Variants in ZC3H12B observed in about 807,000 individuals in gnomAD.
The protein encoded by ZC3H12B is zinc finger CCCH-type containing 12B, also known as probable ribonuclease ZC3H12B.
A neutral mutation model predicts 43.9 loss-of-function variants in ZC3H12B; 7 were observed. The ratio of observed to expected loss-of-function variants is 0.16; its 90% CI spans 0.09 to 0.30. ZC3H12B has a LOEUF of 0.30. ZC3H12B is among the 10% of genes least tolerant of loss of function. ZC3H12B has a pLI of 1.00. For missense variants in ZC3H12B, 475 were observed against 670.2 expected, an observed-to-expected ratio of 0.71 and a Z score of 3.22; for synonymous variants, 222 against 241.7, an observed-to-expected ratio of 0.92 and a Z score of 0.76.
chrX:65,416,314 G>C (rs2066959509), intron 3 of ZC3H12B, among the ~76,000 whole-genome samples: 1 of 111,285 alleles, frequency 9.0e-6, no homozygotes, highest in African/African-American at 3.3e-5. Flanking sequence ...GTCAGAAGTT[G>C]CTTCTTGCTG....
chrX:65,318,497 G>T, the ZC3H12B span, among the ~76,000 whole-genome samples: 1 of 107,516 alleles, frequency 9.3e-6, no homozygotes, highest in Non-Finnish European at 1.9e-5. Flanking sequence ...TCAGCCCACT[G>T]CAACCTCTGT....
the ZC3H12B span, among the ~76,000 whole-genome samples, chrX:65,104,797 C>G: frequency 9.0e-6 from 1 of 111,648 alleles, no homozygotes; most frequent in African/African-American, 3.3e-5. Context: ...TGGTTGTACA[C>G]TATTGGTGGG....
chrX:65,448,369 A>T (rs1353095047), intron 3 of ZC3H12B, among the ~76,000 whole-genome samples: 1 of 112,410 alleles, frequency 8.9e-6, no homozygotes, highest in Admixed American at 9.4e-5. Flanking sequence ...ACTATGATTC[A>T]ATCCAGCAAT....
At chrX:65,414,079 C>T (rs1156585599) in intron 3 of ZC3H12B, among the ~76,000 whole-genome samples, 1 of 111,673 alleles carries the variant, frequency 9.0e-6, no homozygotes, top group African/African-American at 3.3e-5. Flanking sequence ...ATATTAATTG[C>T]TGGTGTGTAA....
the ZC3H12B span, among the ~76,000 whole-genome samples, chrX:65,240,791 A>C: frequency 6.3e-5 from 7 of 111,601 alleles, no homozygotes; most frequent in Non-Finnish European, 9.4e-5. Context: ...TGTTGCTTTC[A>C]TTTGTTTGTT....
chrX:65,268,585 CA>C, the ZC3H12B span, among the ~76,000 whole-genome samples: 15 of 112,581 alleles, frequency 1.3e-4, no homozygotes, highest in Non-Finnish European at 2.6e-4. Context: ...TTATGTCTAG[CA>C]TGCAAGGCTG....
the ZC3H12B span, among the ~76,000 whole-genome samples, chrX:65,158,805 T>C: frequency 3.6e-5 from 4 of 112,125 alleles, no homozygotes; most frequent in Admixed American, 9.5e-5. Context: ...TTTTGGCTTT[T>C]GTTGCCATTG....
chrX:65,154,319 C>G, the ZC3H12B span, among the ~76,000 whole-genome samples: 1 of 112,184 alleles, frequency 8.9e-6, no homozygotes, highest in East Asian at 2.8e-4. Context: ...TTTTTTCCTA[C>G]TACCTTTGCA....
chrX:65,121,258 C>T, the ZC3H12B span, among the ~76,000 whole-genome samples: 11 of 111,199 alleles, frequency 9.9e-5, no homozygotes, highest in African/African-American at 3.3e-4. Flanking sequence ...TGGTGGAATT[C>T]GGCTGTGAAT....
chrX:65,330,581 G>A, the ZC3H12B span, among the ~76,000 whole-genome samples: 16 of 111,569 alleles, frequency 1.4e-4, no homozygotes, highest in African/African-American at 5.2e-4. Flanking sequence ...TATGTCCCAT[G>A]AATACCTAAT....
the ZC3H12B span, among the ~76,000 whole-genome samples, chrX:65,126,758 C>G: frequency 1.9e-5 from 2 of 104,280 alleles, no homozygotes; most frequent in African/African-American, 7.0e-5. Context: ...AGCTCTGGAG[C>G]TCTTTCTTCT....
chrX:65,058,295 C>T, the ZC3H12B span, among the ~76,000 whole-genome samples: 259 of 112,248 alleles, frequency 2.3e-3, 2 homozygotes, highest in African/African-American at 7.7e-3. Flanking sequence ...TTCCTTCTTA[C>T]AGTCAGGACC....
At chrX:65,359,346 A>G in the ZC3H12B span, among the ~76,000 whole-genome samples, 2 of 111,910 alleles carry the variant, frequency 1.8e-5, no homozygotes, top group Non-Finnish European at 3.8e-5. Context: ...ACATTTCATA[A>G]GGCTATGGTT....
upstream of ZC3H12B, among the ~76,000 whole-genome samples, chrX:65,364,783 G>A (rs757011550): frequency 3.0e-4 from 33 of 111,420 alleles, 1 homozygote; most frequent in South Asian, 0.013. Flanking sequence ...TATTTCATCT[G>A]CTATTCTACT....
chrX:65,125,853 G>A, the ZC3H12B span, among the ~76,000 whole-genome samples: 1 of 111,045 alleles, frequency 9.0e-6, no homozygotes, highest in Non-Finnish European at 1.9e-5. Context: ...TTAAGTTTAT[G>A]TGAATTCTTA....
At chrX:65,197,701 A>G in the ZC3H12B span, among the ~76,000 whole-genome samples, 14 of 112,250 alleles carry the variant, frequency 1.2e-4, no homozygotes, top group African/African-American at 4.2e-4. Context: ...CCCATACCTA[A>G]TGTGTTAACA....
At chrX:65,291,546 GA>G in the ZC3H12B span, among the ~76,000 whole-genome samples, 1 of 112,123 alleles carries the variant, frequency 8.9e-6, no homozygotes, top group Non-Finnish European at 1.9e-5. Context: ...TCCAGTCACA[GA>G]ATGACAATTA....
the ZC3H12B span, among the ~76,000 whole-genome samples, chrX:65,122,205 G>A: frequency 9.0e-6 from 1 of 110,689 alleles, no homozygotes; most frequent in Non-Finnish European, 1.9e-5. Context: ...AAGTCTACAA[G>A]CTAGAAGAGA....
the ZC3H12B span, among the ~76,000 whole-genome samples, chrX:65,049,770 T>G: frequency 6.1e-3 from 679 of 111,762 alleles, 6 homozygotes; most frequent in African/African-American, 0.02. Context: ...AACATGGACA[T>G]TTTAACATTA....
Sources: gnomAD v4.1 joint callset for allele counts (sites outside exome capture counted in the v4.1 genomes callset) on GRCh38, gnomAD v4.1.1 for gene constraint, MANE v1.5 for transcripts, NCBI Gene and HGNC (gene_info 2026-07-23, HGNC 2026-07-21) for gene names.